The following ADCY1 variants were observed in gnomAD, a reference collection of about 807,000 sequenced individuals.
ADCY1 encodes the protein adenylate cyclase type 1.
A neutral mutation model predicts 105.4 loss-of-function variants in ADCY1; 28 were observed. The ratio of observed to expected loss-of-function variants is 0.27; its 90% CI spans 0.20 to 0.36. The LOEUF is 0.36. Ranked by LOEUF, ADCY1 falls within the 10% of genes least tolerant of loss-of-function variation. The pLI is 1.00. For synonymous variants in ADCY1, 655 were observed against 623.8 expected (o/e 1.05, Z -0.75); for missense variants, 977 against 1,434.2 (o/e 0.68, Z 5.15).
chr7:45,698,194 C>T (rs1784924244), intron 14 of ADCY1, among the ~76,000 whole-genome samples: 1 of 150,654 alleles, frequency 6.6e-6, no homozygotes. Flanking sequence ...CACACATACA[C>T]CACTTATGGA....
chr7:45,603,664 A>T (rs1793302425), intron 2 of ADCY1, among the ~76,000 whole-genome samples: 1 of 152,118 alleles, frequency 6.6e-6, no homozygotes, highest in South Asian at 2.1e-4. Context: ...CACCCTGAGG[A>T]TCCCTCATGT....
chr7:45,679,214 G>A (rs143136672), intron 10 of ADCY1, among the ~76,000 whole-genome samples: 93 of 152,274 alleles, frequency 6.1e-4, no homozygotes, highest in African/African-American at 2.2e-3. Context: ...CCACACCTGC[G>A]GAGGAGGAGG....
intron 4 of ADCY1, among the ~76,000 whole-genome samples, chr7:45,636,356 A>T (rs777077557): frequency 1.8e-4 from 28 of 152,218 alleles, no homozygotes; most frequent in Non-Finnish European, 2.1e-4. Flanking sequence ...CTATGTAAAT[A>T]GTTGTTATGC....
rs1388293487 is a variant in ADCY1, at chr7:45,592,872, G to C, written c.753G>C (p.Glu251Asp). The change falls in exon 2 of 20, where the codon GAG (glutamate) becomes GAC (aspartate). Residue 251 changes from glutamate to aspartate, a missense_variant. Physicochemically the swap from Glu to Asp is conservative, Grantham distance 45. Coordinates refer to ENST00000297323, the MANE Select transcript of ADCY1 (RefSeq NM_021116.4). ...KAFLQARSCI[E>D]DRLRLEDENE... ...TCCTGCAGGCCCGGAGCTGCATTGAGGACCGACTGAGGCTGGAGGATGAGA... is the reference window on the plus strand; with the variant it reads ...TCCTGCAGGCCCGGAGCTGCATTGACGACCGACTGAGGCTGGAGGATGAGA... The C allele has an allele frequency of 1.2e-6, 2 of 1,614,230 alleles. No individual in the cohort carries two copies. Among genetic ancestry groups the C allele is most frequent in the East Asian group, 2.2e-5 (1 of 44,878 alleles).
At chr7:45,664,614 C>G in intron 8 of ADCY1, 1 of 904,552 alleles carries the variant, frequency 1.1e-6, no homozygotes. Flanking sequence ...ACATTTTGTT[C>G]CTTCCAGTTT....
At chr7:45,625,310 A>G (rs960233551) in intron 4 of ADCY1, among the ~76,000 whole-genome samples, 1 of 152,196 alleles carries the variant, frequency 6.6e-6, no homozygotes, top group Non-Finnish European at 1.5e-5. Flanking sequence ...ACACTGATTC[A>G]TGCCTGGGAT....
chr7:45,582,557 G>A (rs1279240448), intron 1 of ADCY1, among the ~76,000 whole-genome samples: 2 of 142,376 alleles, frequency 1.4e-5, no homozygotes, highest in Admixed American at 1.4e-4. Flanking sequence ...GCAGGCCAGG[G>A]CAGGCACCTG....
At chr7:45,610,805 T>G in intron 3 of ADCY1, among the ~76,000 whole-genome samples, 1 of 147,450 alleles carries the variant, frequency 6.8e-6, no homozygotes, top group Non-Finnish European at 1.5e-5. Flanking sequence ...GGTGGGGAGG[T>G]GATGGTGGAG....
At chr7:45,610,135 C>T (rs370214117) in intron 2 of ADCY1, among the ~76,000 whole-genome samples, 9 of 152,218 alleles carry the variant, frequency 5.9e-5, no homozygotes, top group Admixed American at 5.2e-4. Context: ...AAGCACAGGC[C>T]GAGACTCAGG....
chr7:45,624,036 C>T (rs1246767292), intron 4 of ADCY1, among the ~76,000 whole-genome samples: 2 of 152,152 alleles, frequency 1.3e-5, no homozygotes, highest in Admixed American at 6.5e-5. Flanking sequence ...GCAGTGAGCT[C>T]TGTTCAGCAA....
chr7:45,663,378 A>T (rs1232712251), intron 8 of ADCY1, among the ~76,000 whole-genome samples: 1 of 152,190 alleles, frequency 6.6e-6, no homozygotes, highest in Non-Finnish European at 1.5e-5. Flanking sequence ...TCTTGGACAG[A>T]CTGGGACCAC....
At position 45,647,150 on chromosome 7, in the gene ADCY1, C is replaced by T. The variant is rs190324317; in HGVS notation, c.1021-1520C>T. Among the ~76,000 whole-genome samples, 408 of 152,358 alleles carry T rather than the reference C, an allele frequency of 2.7e-3. 1 individual carries two copies. The Middle Eastern group carries it at 0.027, about 10-fold the overall frequency. The stretch of plus-strand genomic sequence containing the variant: ...GTCCCTGCAACGCCAGGCCTGAGGG[C>T]AGCTCAGGACAACAGCAGGGTCATC... On this transcript the variant is annotated intron_variant, in intron 4 of 19. Coordinates refer to ENST00000297323, the MANE Select transcript of ADCY1 (RefSeq NM_021116.4). The surrounding 1 kb of genome is among the most constrained non-coding windows in gnomAD (Gnocchi z 4.6).
At chr7:45,679,943 G>A in intron 11 of ADCY1, 150 bp downstream of exon 11, 1 of 1,026,960 alleles carries the variant, frequency 9.7e-7, no homozygotes, top group African/African-American at 1.6e-5. Context: ...TATGTGGGTG[G>A]CCTGTGTCCT....
intron 2 of ADCY1, among the ~76,000 whole-genome samples, chr7:45,596,333 G>C (rs1269045707): frequency 6.6e-6 from 1 of 151,628 alleles, no homozygotes; most frequent in Non-Finnish European, 1.5e-5. Flanking sequence ...ATTGGGGGAT[G>C]CACTGAGGTT....
At chr7:45,600,743 C>T (rs1793207472) in intron 2 of ADCY1, among the ~76,000 whole-genome samples, 1 of 152,176 alleles carries the variant, frequency 6.6e-6, no homozygotes, top group African/African-American at 2.4e-5. Context: ...CATCTGAGGC[C>T]TCTCTCCTTG....
chr7:45,698,705 G>A (rs1274129046), intron 14 of ADCY1, among the ~76,000 whole-genome samples: 1 of 152,206 alleles, frequency 6.6e-6, no homozygotes, highest in Admixed American at 6.5e-5. Context: ...GGCTGGAAAA[G>A]TAATTAGTGA....
chr7:45,576,252 G>A (rs771972761), intron 1 of ADCY1, among the ~76,000 whole-genome samples: 3 of 152,126 alleles, frequency 2.0e-5, no homozygotes, highest in Admixed American at 6.5e-5. Context: ...ACTGGGGGGC[G>A]GTGGTAAGGA....
rs1264370107 is a variant in ADCY1, at chr7:45,575,990, C to A, written c.639+808C>A. ...CAGAGGTCTTTGCCCCACGGCGGGG[C>A]TTTGAGAGCTTCCCCTTGTGCCCAT... On this transcript the variant is annotated intron_variant, in intron 1 of 19. Transcript: ENST00000297323. The surrounding 1 kb of genome is among the most constrained non-coding windows in gnomAD (Gnocchi z 4.7). Among the ~76,000 whole-genome samples the A allele has an allele frequency of 6.6e-6, 1 of 152,098 alleles. No homozygotes were observed. The highest frequency in any genetic ancestry group is 1.9e-4 in the East Asian group (1 of 5,174).
chr7:45,652,006 A>G (rs921945194), intron 5 of ADCY1, among the ~76,000 whole-genome samples: 22 of 152,350 alleles, frequency 1.4e-4, no homozygotes, highest in African/African-American at 5.1e-4. Flanking sequence ...TTGTAGTTCT[A>G]CAGGCTGTAC....
Sources: allele counts gnomAD v4.1 joint callset (sites outside exome capture counted in the v4.1 genomes callset), GRCh38; gene constraint gnomAD v4.1.1; non-coding constraint Gnocchi (gnomAD v3.1); transcripts MANE v1.5; gene names NCBI Gene and HGNC (gene_info 2026-07-23, HGNC 2026-07-21).